Variants in FADS2 observed in about 807,000 individuals in gnomAD.
FADS2 encodes fatty acid desaturase 2.
In FADS2, 18 loss-of-function variants were observed where a neutral mutation model predicts 61.2. The ratio of observed to expected loss-of-function variants is 0.29; its 90% CI spans 0.20 to 0.44. The LOEUF is 0.44. FADS2 is among the 20% of genes least tolerant of loss of function. FADS2 has a pLI of 1.00. For missense variants in FADS2, 322 were observed against 572.7 expected (o/e 0.56, Z 4.47); for synonymous variants, 203 against 223.9 (o/e 0.91, Z 0.83).
chr11:61,849,018 C>T (rs1251740743), intron 5 of FADS2, among the ~76,000 whole-genome samples: 1 of 152,142 alleles, frequency 6.6e-6, no homozygotes, highest in East Asian at 1.9e-4. Context: ...CTCCTGCCTC[C>T]GCCTCCCACG....
chr11:61,817,035 C>G, intron 1 of FADS2: 1 of 1,254,218 alleles, frequency 8.0e-7, no homozygotes, highest in Non-Finnish European at 1.0e-6. Context: ...TCCCTAAAGG[C>G]GTCGCCGCCG....
chr11:61,824,101 G>A (rs544264647), upstream of FADS2, among the ~76,000 whole-genome samples: 19 of 152,114 alleles, frequency 1.2e-4, no homozygotes, highest in South Asian at 1.0e-3. Context: ...CACTATCTCC[G>A]CTGGGTGCGG....
At chr11:61,819,509 G>A (rs2067020939) in intron 1 of FADS2, among the ~76,000 whole-genome samples, 1 of 152,126 alleles carries the variant, frequency 6.6e-6, no homozygotes, top group Non-Finnish European at 1.5e-5. Flanking sequence ...TTGTGCCACT[G>A]CACTCCAGCC....
chr11:61,855,684 G>T (rs929153585), intron 5 of FADS2: 1 of 152,284 alleles, frequency 6.6e-6, no homozygotes, highest in South Asian at 2.1e-4. Context: ...GGACAGGGTG[G>T]ACCTGGTTCC....
Position 61,865,787 on chromosome 11 carries a change from T to C in FADS2, c.*98T>C, listed in dbSNP as rs1022075137. ...TTCTGAGGGGTGTCCGAGAGGCTGGTGTATGCACTGCTCACGGACCCCATG... is the reference window on the plus strand; with the variant it reads ...TTCTGAGGGGTGTCCGAGAGGCTGGCGTATGCACTGCTCACGGACCCCATG... On this transcript the variant is annotated 3_prime_UTR_variant, in exon 12 of 12. Transcript: ENST00000278840. This position sits in a 1 kb window ranked among gnomAD's most constrained non-coding sequence, Gnocchi z 4.1. The C allele has an allele frequency of 1.0e-6, 1 of 988,938 alleles. No homozygotes were observed. The highest frequency in any genetic ancestry group is 1.6e-6 in the Non-Finnish European group (1 of 641,118). The allele number at this position is 988,938 out of a possible 1,614,324, so 61.3% of individuals were successfully genotyped here. A position where few individuals can be genotyped will look rare whatever the true frequency, so the allele number is the denominator to read the frequency against.
intron 10 of FADS2, chr11:61,864,249 G>A (rs909549908): frequency 1.3e-5 from 2 of 153,926 alleles, no homozygotes; most frequent in African/African-American, 4.8e-5. Context: ...TGTTTCCTGG[G>A]CTGGAGTGCA....
chr11:61,861,353 C>CA (rs58136105), intron 7 of FADS2, among the ~76,000 whole-genome samples: 1,797 of 29,690 alleles, frequency 0.061, 223 homozygotes, highest in African/African-American at 0.16. Context: ...GACTCCCTCT[C>CA]AAAAAAAAAA....
upstream of FADS2, chr11:61,826,404 C>T (rs1383084647): frequency 2.8e-6 from 2 of 702,224 alleles, no homozygotes; most frequent in African/African-American, 3.5e-5. Context: ...CCTGAACCTT[C>T]AAAGCCTCTG....
At chr11:61,817,411 A>G (rs2066997240) in intron 1 of FADS2, among the ~76,000 whole-genome samples, 1 of 152,170 alleles carries the variant, frequency 6.6e-6, no homozygotes, top group Admixed American at 6.5e-5. Flanking sequence ...TATCTTGTGA[A>G]CAGCATATTT....
chr11:61,840,335 C>T lies in FADS2; in HGVS notation c.320C>T (p.Ser107Leu). ...TTTCCCTGTGCTCTTGGTCAACAGT[C>T]AAAGATCACTGAGGACTTCCGGGCC... Reference protein sequence around the residue: ...EEPSQDHGKNSKITEDFRALR... With the variant: ...EEPSQDHGKNLKITEDFRALR... The change falls in exon 3 of 12, where the codon TCA (serine) becomes TTA (leucine). Residue 107 changes from serine (S) to leucine (L), a missense_variant and splice_region_variant. By Grantham distance (145) the Ser-to-Leu change is moderately radical. Coordinates refer to ENST00000278840, the MANE Select transcript of FADS2 (RefSeq NM_004265.4). 6.2e-7 allele frequency: 1 copy of T among 1,613,800 alleles called. No individual in the cohort carries two copies. Among genetic ancestry groups the T allele is most frequent in the South Asian group, 1.1e-5 (1 of 91,060 alleles).
chr11:61,824,394 A>G (rs1188138212), upstream of FADS2, among the ~76,000 whole-genome samples: 9 of 17,384 alleles, frequency 5.2e-4, no homozygotes, highest in South Asian at 5.5e-3. Context: ...GGGAAAAAAA[A>G]AGAGAGAGAG....
chr11:61,837,682 A>T (rs2067185193), intron 1 of FADS2, 96 bp from the exon 2 acceptor site: 2 of 802,840 alleles, frequency 2.5e-6, no homozygotes, highest in Non-Finnish European at 4.2e-6. Context: ...GTCTGGGTGC[A>T]CACATGGAGC....
At chr11:61,819,291 A>G (rs550941484) in intron 1 of FADS2, among the ~76,000 whole-genome samples, 2 of 152,374 alleles carry the variant, frequency 1.3e-5, no homozygotes, top group Admixed American at 1.3e-4. Context: ...AAAAATATTT[A>G]TAGGTCAGGC....
At chr11:61,826,368 CCA>C (rs2067086023), upstream of FADS2, 1 of 702,512 alleles carries the variant, frequency 1.4e-6, no homozygotes, top group Non-Finnish European at 2.6e-6. Flanking sequence ...CCTACACAGG[CCA>C]CCCATACGTG....
chr11:61,857,478 T>C lies in FADS2; in HGVS notation c.830T>C (p.Met277Thr), dbSNP rs1323054116. 6.2e-7 allele frequency: 1 copy of C among 1,613,942 alleles called. No individual in the cohort carries two copies. Among genetic ancestry groups the C allele is most frequent in the Admixed American group, 1.7e-5 (1 of 60,020 alleles). The change falls in exon 7 of 12, where the codon ATG becomes ACG. Residue 277 changes from methionine to threonine, a missense_variant. Physicochemically the swap from Met to Thr is moderately conservative, Grantham distance 81. Around this residue, in one of 3 missense-constraint regions of FADS2, gnomAD observed 221 missense variants for 427.9 expected, o/e 0.52. Coordinates refer to ENST00000278840, the MANE Select transcript of FADS2 (RefSeq NM_004265.4). The part of the protein sequence containing the change: ...FLIGPPLLIP[M>T]YFQYQIIMTM... ...GTTGGGCCGCCGCTGCTCATCCCCA[T>C]GTATTTCCAGTACCAGATCATCATG...
chr11:61,861,034 C>T (rs2067409415), intron 7 of FADS2, among the ~76,000 whole-genome samples: 1 of 150,504 alleles, frequency 6.6e-6, no homozygotes, highest in African/African-American at 2.5e-5. Context: ...GTGAGACCCC[C>T]CCATCTCTAT....
At chr11:61,848,376 T>C in intron 5 of FADS2, 92 bp downstream of exon 5, 1 of 1,582,136 alleles carries the variant, frequency 6.3e-7, no homozygotes, top group Non-Finnish European at 8.6e-7. Flanking sequence ...GGTGTTGACC[T>C]AGGAAGTGTT....
At position 61,857,020 on chromosome 11, in the gene FADS2, A is replaced by G; in HGVS notation, c.754A>G (p.Lys252Glu). ...GEWQPIEYGK[K>E]KLKYLPYNHQ... ...TCTCCTCTCTCCTCAGTACGGCAAG[A>G]AGAAGCTGAAATACCTGCCCTACAA... is the stretch of plus-strand genomic sequence containing the variant. The change falls in exon 6 of 12, where the codon AAG (lysine) becomes GAG (glutamate). Residue 252 changes from lysine (K) to glutamate (E), a missense_variant. Around this residue, in one of 3 missense-constraint regions of FADS2, gnomAD observed 221 missense variants for 427.9 expected, o/e 0.52. Coordinates refer to ENST00000278840, the MANE Select transcript of FADS2 (RefSeq NM_004265.4). 6.2e-7 allele frequency: 1 copy of G among 1,613,920 alleles called. No individual in the cohort carries two copies. Among genetic ancestry groups the G allele is most frequent in the Non-Finnish European group, 8.5e-7 (1 of 1,179,884 alleles).
In FADS2 at chr11:61,816,708, CG is replaced by C; in HGVS notation, c.141+286del. ...CCACCTCGTCCCAGGTGAAGTAGCG[CG>C]GGGTAGGTCCCTGAGCCGCGGTCTC... On this transcript the variant is annotated intron_variant, in intron 1 of 11. Transcript: ENST00000257261. The surrounding 1 kb of genome is among the most constrained non-coding windows in gnomAD (Gnocchi z 7.0). 2 of 1,575,862 alleles carry C rather than the reference CG, an allele frequency of 1.3e-6. No homozygotes were observed. The highest frequency in any genetic ancestry group is 1.2e-5 in the South Asian group (1 of 86,326).
Sources: gnomAD v4.1 joint callset for allele counts (sites outside exome capture counted in the v4.1 genomes callset) on GRCh38, gnomAD v4.1.1 for gene constraint, gnomAD v4.1.1 regional missense constraint, Gnocchi (gnomAD v3.1) non-coding constraint, MANE v1.5 for transcripts, NCBI Gene and HGNC (gene_info 2026-07-23, HGNC 2026-07-21) for gene names.